The following G2E3 variants were observed in gnomAD, a reference collection of about 807,000 sequenced individuals.
G2E3 encodes G2/M-phase specific E3 ubiquitin protein ligase, also known as G2/M phase-specific E3 ubiquitin-protein ligase.
G2E3 carries 35 observed loss-of-function variants against 92.8 expected under a neutral mutation model. That is an observed-to-expected ratio of 0.38 (90% CI 0.29 to 0.50). G2E3 has a LOEUF of 0.50. Among genes scored for constraint, G2E3 ranks in the 20% least tolerant of loss-of-function variants. The pLI is 0.94. For missense variants in G2E3, 554 were observed against 823.8 expected (o/e 0.67, Z 4.01); for synonymous variants, 242 against 272.4 (o/e 0.89, Z 1.10).
chr14:30,562,008 G>A (rs1879130009), intron 1 of G2E3, among the ~76,000 whole-genome samples: 1 of 151,988 alleles, frequency 6.6e-6, no homozygotes, highest in Non-Finnish European at 1.5e-5. Flanking sequence ...AAAATCAGGA[G>A]CAATGTTTGT....
chr14:30,614,682 G>C (rs921544097), intron 13 of G2E3, among the ~76,000 whole-genome samples: 19 of 152,320 alleles, frequency 1.2e-4, no homozygotes, highest in Admixed American at 1.2e-3. Context: ...ATACAAAAGA[G>C]TATCTGAGGA....
intron 1 of G2E3, among the ~76,000 whole-genome samples, chr14:30,577,223 CAAAAAAAAAA>C (rs59757142): frequency 3.7e-5 from 3 of 80,776 alleles, no homozygotes; most frequent in East Asian, 3.4e-4. Context: ...GACTCTGTCT[CAAAAAAAAAA>C]AAAAAAAAAA....
chr14:30,583,635 T>C (rs1399481394), intron 2 of G2E3, among the ~76,000 whole-genome samples: 3 of 152,222 alleles, frequency 2.0e-5, no homozygotes, highest in African/African-American at 7.2e-5. Flanking sequence ...TATTGTGTAC[T>C]TGAAAATTAG....
intron 13 of G2E3, among the ~76,000 whole-genome samples, chr14:30,614,558 C>T (rs1882230650): frequency 6.6e-6 from 1 of 152,282 alleles, no homozygotes; most frequent in South Asian, 2.1e-4. Flanking sequence ...TCTTAAGGAC[C>T]CTATCTCCCA....
At chr14:30,592,948 A>G (rs887197648) in intron 5 of G2E3, among the ~76,000 whole-genome samples, 1 of 152,158 alleles carries the variant, frequency 6.6e-6, no homozygotes, top group Admixed American at 6.5e-5. Flanking sequence ...TTTTGGTATC[A>G]TAAGTATTCC....
chr14:30,608,830 G>A (rs1359169606), intron 12 of G2E3, among the ~76,000 whole-genome samples: 2 of 152,092 alleles, frequency 1.3e-5, no homozygotes, highest in Non-Finnish European at 2.9e-5. Flanking sequence ...AAAAGCATAG[G>A]CCTTAGCCAG....
Position 30,619,580 on chromosome 14 carries a change from T to C in G2E3, c.*3046T>C, listed in dbSNP as rs895994957. On this transcript the variant is annotated 3_prime_UTR_variant, in exon 15 of 15. Coordinates refer to ENST00000206595, the MANE Select transcript of G2E3 (RefSeq NM_017769.5). ...AAACATAACCCATTTAATGATGAAT[T>C]ACTTGAATGTATATTATCTGTGGTT... is the stretch of plus-strand genomic sequence containing the variant. 1.3e-5 allele frequency: 2 copies of C among 152,184 alleles called. No homozygotes were observed. The highest frequency in any genetic ancestry group is 4.8e-5 in the African/African-American group (2 of 41,468). 9.4% of individuals were successfully genotyped at this position (152,184 alleles called of 1,614,324 possible).
chr14:30,574,135 T>G (rs956507150), intron 1 of G2E3, among the ~76,000 whole-genome samples: 1 of 152,200 alleles, frequency 6.6e-6, no homozygotes, highest in African/African-American at 2.4e-5. Flanking sequence ...TACATTTGCA[T>G]GTAACTTCCC....
intron 12 of G2E3, among the ~76,000 whole-genome samples, chr14:30,609,749 T>G (rs1882001476): frequency 1.3e-5 from 2 of 152,130 alleles, no homozygotes; most frequent in Admixed American, 6.5e-5. Context: ...TTGTGGGGCT[T>G]TTTTGTGTTT....
At position 30,617,422 on chromosome 14, in the gene G2E3, G is replaced by T. The variant is rs532967101; in HGVS notation, c.*888G>T. ...ATTGTTGTTGTTGTTGTTGTTGTTT[G>T]TATCCTATGTTTGGTATTCTGTATG... On this transcript the variant is annotated 3_prime_UTR_variant, in exon 15 of 15. Transcript: ENST00000206595. 1.3e-5 allele frequency: 2 copies of T among 151,686 alleles called. No individual in the cohort carries two copies. The highest frequency in any genetic ancestry group is 1.3e-4 in the Admixed American group (2 of 15,244). 9.4% of individuals were successfully genotyped at this position (151,686 alleles called of 1,614,324 possible).
chr14:30,613,886 T>G (rs1280131646), intron 13 of G2E3, among the ~76,000 whole-genome samples: 1 of 152,160 alleles, frequency 6.6e-6, no homozygotes, highest in Non-Finnish European at 1.5e-5. Flanking sequence ...TTATTCCACA[T>G]TTCATAACCA....
In G2E3 at chr14:30,592,433, T is replaced by G; in HGVS notation, c.348T>G (p.Phe116Leu). The G allele has an allele frequency of 6.3e-7, 1 of 1,583,126 alleles. No individual in the cohort carries two copies. Among genetic ancestry groups the G allele is most frequent in the Non-Finnish European group, 8.6e-7 (1 of 1,168,762 alleles). ...CGLQRECIFQFTGNFASFCWD... is the reference protein window; with the variant it reads ...CGLQRECIFQLTGNFASFCWD... ...TTCAGAGAGAATGTATTTTCCAGTT[T>G]ACTGGCAATTTTGCGTGAGTTATTT... The change falls in exon 5 of 15, where the codon TTT (phenylalanine) becomes TTG (leucine). Residue 116 changes from phenylalanine to leucine, a missense_variant. Around this residue, in one of 3 missense-constraint regions of G2E3, gnomAD observed 137 missense variants for 201.3 expected, o/e 0.68. Transcript: ENST00000206595.
intron 2 of G2E3, 123 bp downstream of exon 2, chr14:30,581,239 A>G: frequency 3.3e-6 from 2 of 613,052 alleles, no homozygotes; most frequent in Non-Finnish European, 5.9e-6. Flanking sequence ...CACATACTAA[A>G]GTATAATATT....
At chr14:30,568,578 G>C (rs983482433) in intron 1 of G2E3, among the ~76,000 whole-genome samples, 1 of 151,346 alleles carries the variant, frequency 6.6e-6, no homozygotes, top group African/African-American at 2.4e-5. Context: ...TATATTCTTA[G>C]TGGCTATCTT....
chr14:30,603,416 G>A (rs17096941), intron 10 of G2E3, among the ~76,000 whole-genome samples: 40,865 of 151,984 alleles, frequency 0.27, 5,882 homozygotes, highest in East Asian at 0.55. Flanking sequence ...TATAATGTTG[G>A]GTATTTGTTC....
intron 12 of G2E3, among the ~76,000 whole-genome samples, chr14:30,610,848 T>C (rs1024047120): frequency 6.6e-6 from 1 of 152,188 alleles, no homozygotes; most frequent in Non-Finnish European, 1.5e-5. Flanking sequence ...GCCTGTTTGG[T>C]AAATAGTTAC....
intron 3 of G2E3, among the ~76,000 whole-genome samples, chr14:30,587,132 T>TGTTG (rs1880754251): frequency 1.3e-5 from 2 of 152,210 alleles, no homozygotes; most frequent in African/African-American, 4.8e-5. Context: ...CTTTCTTATT[T>TGTTG]CATTTGTTGC....
At chr14:30,579,866 T>C (rs1372175507) in intron 1 of G2E3, among the ~76,000 whole-genome samples, 1 of 152,198 alleles carries the variant, frequency 6.6e-6, no homozygotes, top group African/African-American at 2.4e-5. Flanking sequence ...ACCAAGAGAT[T>C]GCACATACAT....
At chr14:30,599,456 T>G (rs1447930971) in intron 8 of G2E3, among the ~76,000 whole-genome samples, 1 of 152,178 alleles carries the variant, frequency 6.6e-6, no homozygotes, top group Non-Finnish European at 1.5e-5. Flanking sequence ...CTCAAATGCC[T>G]GACCTCGTGA....
Sources: allele counts gnomAD v4.1 joint callset (sites outside exome capture counted in the v4.1 genomes callset), GRCh38; gene constraint gnomAD v4.1.1; regional missense constraint gnomAD v4.1.1; transcripts MANE v1.5; gene names NCBI Gene and HGNC (gene_info 2026-07-23, HGNC 2026-07-21).